MTMR10: variants seen among roughly 807,000 people sequenced by gnomAD.
The protein encoded by MTMR10 is myotubularin related protein 10.
In MTMR10, 56 loss-of-function variants were observed where a neutral mutation model predicts 88.1. The ratio of observed to expected loss-of-function variants is 0.64; its 90% CI spans 0.51 to 0.79. The LOEUF (loss-of-function observed/expected upper bound fraction) is 0.79. Among genes scored for constraint, MTMR10 ranks in the 30% least tolerant of loss-of-function variants. The pLI is 0.00. For synonymous variants in MTMR10, 380 were observed against 340.9 expected (o/e 1.11, Z -1.26); for missense variants, 883 against 924.7 (o/e 0.95, Z 0.58).
At chr15:30,967,292 C>A (rs983406142) in intron 6 of MTMR10, among the ~76,000 whole-genome samples, 1 of 152,078 alleles carries the variant, frequency 6.6e-6, no homozygotes, top group African/African-American at 2.4e-5. Context: ...TACATTTGTA[C>A]GAAACAGAAT....
At chr15:30,925,910 C>T in the MTMR10 span, 7 of 1,614,070 alleles carry the variant, frequency 4.3e-6, no homozygotes, top group East Asian at 6.7e-5. Context: ...CTGGCACTGG[C>T]CCATTACAGA....
chr15:30,974,302 T>A lies in MTMR10; in HGVS notation c.474+12A>T. On this transcript the variant is annotated intron_variant, in intron 5 of 15. Transcript: ENST00000435680. Reference sequence around the variant, plus strand: ...ACAGAACCCAGAACTTGATAAACCTTAACAGTATTACCTTTTTAGCACTTT... The same window carrying A: ...ACAGAACCCAGAACTTGATAAACCTAAACAGTATTACCTTTTTAGCACTTT... 6.3e-7 allele frequency: 1 copy of A among 1,581,622 alleles called. No homozygotes were observed. Among genetic ancestry groups the A allele is most frequent in the Non-Finnish European group, 8.6e-7 (1 of 1,162,434 alleles).
At position 30,940,590 on chromosome 15, in the gene MTMR10, G is replaced by A; in HGVS notation, c.*880C>T. 1 of 985,340 alleles carries A rather than the reference G, an allele frequency of 1.0e-6. No individual in the cohort carries two copies. Among genetic ancestry groups the A allele is most frequent in the Non-Finnish European group, 1.2e-6 (1 of 829,994 alleles). 61.0% of individuals were successfully genotyped at this position (985,340 alleles called of 1,614,324 possible). Reference sequence around the variant, plus strand: ...CCAGCAAGCCTTGTTTGTTTTTGAGGGCGAGTTTTGGCATAGATGGCACTC... The same window carrying A: ...CCAGCAAGCCTTGTTTGTTTTTGAGAGCGAGTTTTGGCATAGATGGCACTC... On this transcript the variant is annotated 3_prime_UTR_variant, in exon 16 of 16. Coordinates refer to ENST00000435680, the MANE Select transcript of MTMR10 (RefSeq NM_017762.3).
At chr15:30,973,718 A>G (rs2141046803) in intron 5 of MTMR10, among the ~76,000 whole-genome samples, 1 of 152,286 alleles carries the variant, frequency 6.6e-6, no homozygotes, top group Non-Finnish European at 1.5e-5. Flanking sequence ...CTGGCAAAGC[A>G]AAACATGGAA....
intron 9 of MTMR10, among the ~76,000 whole-genome samples, chr15:30,955,221 T>C (rs1434079194): frequency 6.6e-6 from 1 of 152,202 alleles, no homozygotes. Flanking sequence ...AATGCTGCCA[T>C]TCACCTCACT....
chr15:30,925,048 G>C, the MTMR10 span: 1 of 1,442,460 alleles, frequency 6.9e-7, no homozygotes, highest in Non-Finnish European at 9.4e-7. Context: ...TAAACAGTGG[G>C]CTTTTCTGTC....
intron 12 of MTMR10, among the ~76,000 whole-genome samples, chr15:30,950,755 T>G (rs1245022182): frequency 6.6e-6 from 1 of 152,186 alleles, no homozygotes; most frequent in Non-Finnish European, 1.5e-5. Flanking sequence ...CTTCCCTCAG[T>G]ATCCATGGGG....
chr15:30,939,272 A>C lies in MTMR10; in HGVS notation c.*2198T>G. On this transcript the variant is annotated 3_prime_UTR_variant, in exon 16 of 16. Coordinates refer to ENST00000435680, the MANE Select transcript of MTMR10 (RefSeq NM_017762.3). ...CAAGACACTGTACACCTTTACGTTCAATACTAGAAATTTCACCCAGTGCAT... is the reference window on the plus strand; with the variant it reads ...CAAGACACTGTACACCTTTACGTTCCATACTAGAAATTTCACCCAGTGCAT... 1.0e-5 allele frequency: 10 copies of C among 985,500 alleles called. No individual in the cohort carries two copies. The highest frequency in any genetic ancestry group is 1.2e-5 in the Non-Finnish European group (10 of 829,942). 61.0% of individuals were successfully genotyped at this position (985,500 alleles called of 1,614,324 possible). A position where few individuals can be genotyped will look rare whatever the true frequency, so the allele number is the denominator to read the frequency against.
rs750427720 is a variant in MTMR10, at chr15:30,960,998, C to T, written c.641G>A (p.Ser214Asn). ...TTCAAAGAGTGGAGTTTTCTGGCTG[C>T]TGCCACCACCAGCTCCATTACCTCC... ...GGGGNGAGGG[S>N]SQKTPLFETY... The change falls in exon 7 of 16, where the codon AGC becomes AAC. Residue 214 changes from serine to asparagine, a missense_variant. Around this residue, in one of 3 missense-constraint regions of MTMR10, gnomAD observed 414 missense variants for 423.2 expected, o/e 0.98. Coordinates refer to ENST00000435680, the MANE Select transcript of MTMR10 (RefSeq NM_017762.3). 19 of 1,584,700 alleles carry T rather than the reference C, an allele frequency of 1.2e-5. 1 individual carries two copies. The South Asian group carries it at 2.2e-4, about 18-fold the overall frequency.
downstream of MTMR10, among the ~76,000 whole-genome samples, chr15:30,937,438 G>C (rs2062888357): frequency 6.8e-6 from 1 of 147,304 alleles, no homozygotes; most frequent in Non-Finnish European, 1.5e-5. Context: ...CCACACAGTG[G>C]GTAATAAACT....
At chr15:30,946,085 A>G (rs903849125) in intron 14 of MTMR10, 4 of 152,254 alleles carry the variant, frequency 2.6e-5, no homozygotes, top group Non-Finnish European at 4.4e-5. Flanking sequence ...GTGGACTGAG[A>G]CTGCCCTCCC....
chr15:30,918,902 G>A, the MTMR10 span, among the ~76,000 whole-genome samples: 1 of 152,024 alleles, frequency 6.6e-6, no homozygotes, highest in Non-Finnish European at 1.5e-5. Context: ...TTGGGGTACC[G>A]ACCCCTCAGA....
At chr15:30,966,357 A>C (rs2063472143) in intron 6 of MTMR10, among the ~76,000 whole-genome samples, 1 of 152,250 alleles carries the variant, frequency 6.6e-6, no homozygotes. Flanking sequence ...TAACTGAAGC[A>C]GGCATCAGGT....
the MTMR10 span, among the ~76,000 whole-genome samples, chr15:30,924,556 T>C: frequency 5.9e-5 from 9 of 152,240 alleles, no homozygotes; most frequent in Admixed American, 2.6e-4. Context: ...TGTGGCTTTC[T>C]GTGTTTGTTT....
intron 5 of MTMR10, among the ~76,000 whole-genome samples, chr15:30,971,888 A>C (rs2063542531): frequency 6.6e-6 from 1 of 152,176 alleles, no homozygotes; most frequent in Non-Finnish European, 1.5e-5. Context: ...AATGAGGATG[A>C]ATATTAATGA....
the MTMR10 span, chr15:30,920,492 C>T: frequency 7.9e-6 from 9 of 1,133,994 alleles, no homozygotes; most frequent in South Asian, 3.9e-5. Flanking sequence ...TTATTATTGT[C>T]TTATAATAAA....
chr15:30,951,983 A>G lies in MTMR10; in HGVS notation c.1192T>C (p.Ser398Pro), dbSNP rs1450330879. Residue 398 changes from serine to proline, a missense_variant, in exon 12 of 16, where the codon TCT becomes CCT. Ser to Pro is a moderately conservative substitution (Grantham distance 74, BLOSUM62 -1). This residue lies in a region of MTMR10 where 126 missense variants were observed against 178.2 expected (regional missense o/e 0.71). Transcript: ENST00000435680. ...CTTTAGTTACCTTGTAGGACTACAGAGAGATGTTTGCTTTCTAGCATGTAT... is the reference window on the plus strand; with the variant it reads ...CTTTAGTTACCTTGTAGGACTACAGGGAGATGTTTGCTTTCTAGCATGTAT... ...LVYMLESKHLSVVLQEEEGRD... is the reference protein window; with the variant it reads ...LVYMLESKHLPVVLQEEEGRD... The G allele has an allele frequency of 1.2e-6, 2 of 1,613,638 alleles. No individual in the cohort carries two copies. The highest frequency in any genetic ancestry group is 4.5e-5 in the East Asian group (2 of 44,886).
At chr15:30,957,932 T>C (rs1409336235) in intron 9 of MTMR10, among the ~76,000 whole-genome samples, 1 of 152,092 alleles carries the variant, frequency 6.6e-6, no homozygotes, top group African/African-American at 2.4e-5. Context: ...TGGAAGCACA[T>C]GGGTTTGCAA....
At chr15:30,984,991 A>G (rs566573833) in intron 2 of MTMR10, among the ~76,000 whole-genome samples, 3 of 152,312 alleles carry the variant, frequency 2.0e-5, no homozygotes, top group Admixed American at 2.0e-4. Context: ...TAAGAACAGG[A>G]TCCCATCTCC....
Sources: allele counts gnomAD v4.1 joint callset (sites outside exome capture counted in the v4.1 genomes callset), GRCh38; gene constraint gnomAD v4.1.1; regional missense constraint gnomAD v4.1.1; transcripts MANE v1.5; gene names NCBI Gene and HGNC (gene_info 2026-07-23, HGNC 2026-07-21).